GRIP2: variants seen among roughly 807,000 people sequenced by gnomAD.
GRIP2 encodes the protein glutamate receptor-interacting protein 2.
GRIP2 carries 58 observed loss-of-function variants against 108.3 expected under a neutral mutation model. That is an observed-to-expected ratio of 0.54 (90% CI 0.43 to 0.67). The LOEUF is 0.67. GRIP2 is among the 30% of genes least tolerant of loss of function. GRIP2 has a pLI of 0.00. For missense variants in GRIP2, 1,278 were observed against 1,430.6 expected, an observed-to-expected ratio of 0.89 and a Z score of 1.72; for synonymous variants, 586 against 598.2, an observed-to-expected ratio of 0.98 and a Z score of 0.30.
rs780339587 is a variant in GRIP2 at position 14,494,878 on chromosome 3, G to A, written c.2935C>T (p.Arg979Cys). Residue 979 changes from arginine (R) to cysteine (C), a missense_variant, in exon 23 of 24, where the codon CGT (arginine) becomes TGT (cysteine). Arg to Cys is a radical substitution (Grantham distance 180, BLOSUM62 -3). Coordinates refer to ENST00000621039, the MANE Select transcript of GRIP2 (RefSeq NM_001080423.4). ...HTVRPDGPAH[R>C]GGLQPFDRVL... ...CTGTCGAAGGGCTGGAGGCCTCCAC[G>A]GTGGGCTGGCCCATCAGGGCGCACA... 21 of 1,613,634 alleles carry A rather than the reference G, an allele frequency of 1.3e-5. No homozygotes were observed. Among genetic ancestry groups the A allele is most frequent in the South Asian group, 2.2e-5 (2 of 91,080 alleles).
chr3:14,534,328 CTTTA>C (rs1694782515), intron 1 of GRIP2, among the ~76,000 whole-genome samples: 1 of 152,126 alleles, frequency 6.6e-6, no homozygotes, highest in Non-Finnish European at 1.5e-5. Context: ...GAGGGGATTA[CTTTA>C]TTTATAGAAA....
Position 14,517,176 on chromosome 3 carries a change from G to A in GRIP2, c.1194C>T (p.Asn398=). ...TGGGGTTGTTGCAGGAAAAGGCGTG[G>A]TTCAAGGTCGGCGAGGAAAAGGGAG... ...SSTPFSSPTL[N]HAFSCNNPST... is the part of the protein sequence containing the mutation. Residue 398 remains asparagine (N), a synonymous_variant, in exon 11 of 24, where the codon AAC becomes AAT. Transcript: ENST00000621039. 1 of 1,605,198 alleles carries A rather than the reference G, an allele frequency of 6.2e-7. No homozygotes were observed. Among genetic ancestry groups the A allele is most frequent in the African/African-American group, 1.3e-5 (1 of 74,342 alleles).
chr3:14,568,508 C>A, the GRIP2 span, among the ~76,000 whole-genome samples: 2 of 152,190 alleles, frequency 1.3e-5, no homozygotes, highest in Non-Finnish European at 2.9e-5. Flanking sequence ...GGGATTAAAA[C>A]CCAGGCCATC....
rs1188249850 is a variant in GRIP2 at position 14,491,033 on chromosome 3, G to C, written c.*2632C>G. ...ATCTGTCTGATTCATGTTGCCCAGG[G>C]GCTGGATGATGGAAGCAAATGGCAA... On this transcript the variant is annotated 3_prime_UTR_variant, in exon 24 of 24. Coordinates refer to ENST00000621039, the MANE Select transcript of GRIP2 (RefSeq NM_001080423.4). 1 of 152,176 alleles carries C rather than the reference G, an allele frequency of 6.6e-6. No homozygotes were observed. Among genetic ancestry groups the C allele is most frequent in the Non-Finnish European group, 1.5e-5 (1 of 68,044 alleles). The allele number at this position is 152,176 out of a possible 1,614,324, so 9.4% of individuals were successfully genotyped here.
the GRIP2 span, among the ~76,000 whole-genome samples, chr3:14,565,161 G>A: frequency 6.6e-6 from 1 of 152,232 alleles, no homozygotes; most frequent in Non-Finnish European, 1.5e-5. Context: ...GCACCAGCCA[G>A]TGAGACCCTC....
the GRIP2 span, chr3:14,573,778 C>T: frequency 1.3e-6 from 2 of 1,546,892 alleles, no homozygotes; most frequent in East Asian, 4.5e-5. Flanking sequence ...TGGTGGCAGA[C>T]AGAGCCAAAC....
At chr3:14,542,697 G>C (rs1489553702), upstream of GRIP2, among the ~76,000 whole-genome samples, 1 of 152,230 alleles carries the variant, frequency 6.6e-6, no homozygotes, top group Non-Finnish European at 1.5e-5. Flanking sequence ...AATGTAGGCA[G>C]ATGGGAAACA....
chr3:14,576,849 C>A, the GRIP2 span, among the ~76,000 whole-genome samples: 10 of 152,240 alleles, frequency 6.6e-5, no homozygotes, highest in Non-Finnish European at 1.3e-4. Context: ...CTGTCCTGCA[C>A]AAACCCCATC....
intron 1 of GRIP2, among the ~76,000 whole-genome samples, chr3:14,532,561 C>T (rs1694736030): frequency 6.6e-6 from 1 of 152,190 alleles, no homozygotes; most frequent in South Asian, 2.1e-4. Flanking sequence ...CCAAACATTG[C>T]CAAACGTGCC....
chr3:14,532,312 G>A (rs1694729757), intron 1 of GRIP2, among the ~76,000 whole-genome samples: 1 of 152,184 alleles, frequency 6.6e-6, no homozygotes, highest in Non-Finnish European at 1.5e-5. Flanking sequence ...TTAGGGTTCA[G>A]CCTGGGTATG....
intron 1 of GRIP2, among the ~76,000 whole-genome samples, chr3:14,548,798 T>C (rs182303890): frequency 3.5e-4 from 53 of 152,304 alleles, no homozygotes; most frequent in Non-Finnish European, 2.4e-4. Context: ...GGAAGGGGCT[T>C]TGGTAAGACA....
chr3:14,532,403 G>A (rs1036258823), intron 1 of GRIP2, among the ~76,000 whole-genome samples: 1 of 152,114 alleles, frequency 6.6e-6, no homozygotes, highest in African/African-American at 2.4e-5. Flanking sequence ...TCAGTCTACG[G>A]GAGGTTTCTC....
At chr3:14,528,317 G>C (rs1694618150) in intron 1 of GRIP2, among the ~76,000 whole-genome samples, 1 of 152,190 alleles carries the variant, frequency 6.6e-6, no homozygotes, top group South Asian at 2.1e-4. Flanking sequence ...TGTGTTTCCA[G>C]TTTTTGGTGA....
chr3:14,507,073 C>T lies in GRIP2; in HGVS notation c.2219-93G>A. On this transcript the variant is annotated intron_variant, in intron 18 of 23. Coordinates refer to ENST00000621039, the MANE Select transcript of GRIP2 (RefSeq NM_001080423.4). This position sits in a 1 kb window ranked among gnomAD's most constrained non-coding sequence, Gnocchi z 4.6. ...TCAGCCTGGTCTGGAAACTCACAGG[C>T]AGTAAGCCCTTCTGAGCTGACATAT... The T allele has an allele frequency of 1.6e-6, 2 of 1,223,550 alleles. No homozygotes were observed. Among genetic ancestry groups the T allele is most frequent in the Non-Finnish European group, 2.3e-6 (2 of 874,414 alleles). 75.8% of individuals were successfully genotyped at this position (1,223,550 alleles called of 1,614,324 possible). A position where few individuals can be genotyped will look rare whatever the true frequency, so the allele number is the denominator to read the frequency against.
chr3:14,511,256 C>T lies in GRIP2; in HGVS notation c.1842G>A (p.Leu614=), dbSNP rs1694082162. The T allele has an allele frequency of 6.2e-7, 1 of 1,614,016 alleles. No homozygotes were observed. Among genetic ancestry groups the T allele is most frequent in the South Asian group, 1.1e-5 (1 of 91,086 alleles). Residue 614 remains leucine (L), a synonymous_variant, in exon 16 of 24, where the codon CTG becomes CTA. Coordinates refer to ENST00000621039, the MANE Select transcript of GRIP2 (RefSeq NM_001080423.4). This position sits in a 1 kb window ranked among gnomAD's most constrained non-coding sequence, Gnocchi z 4.1. ...CGGCGTCCTCCATGGGGCAGTTGTC[C>T]AGGCGGATATTGTCAATGGCCAGTA... ...DKLLAIDNIR[L]DNCPMEDAVQ...
the GRIP2 span, among the ~76,000 whole-genome samples, chr3:14,587,164 TC>T: frequency 1.3e-5 from 2 of 152,254 alleles, no homozygotes; most frequent in Non-Finnish European, 2.9e-5. Context: ...GAGAAATGTG[TC>T]CATATCAGTT....
the GRIP2 span, among the ~76,000 whole-genome samples, chr3:14,572,126 G>A: frequency 3.3e-5 from 5 of 152,088 alleles, no homozygotes; most frequent in Admixed American, 6.5e-5. Context: ...TGTGCATTTC[G>A]GTACCGGAGG....
rs1695153221 is a variant in GRIP2, at chr3:14,551,743, G to A, written c.55+4157C>T. On this transcript the variant is annotated intron_variant, in intron 1 of 23. Transcript: ENST00000637182. ...GGAGGCTGAATAAGCTGACCGTGAA[G>A]GAACGCCCCCGGGGTGAAATGTTTG... Among the ~76,000 whole-genome samples, 3 of 152,334 alleles carry A rather than the reference G, an allele frequency of 2.0e-5. No homozygotes were observed. The South Asian group carries it at 6.2e-4, about 32-fold the overall frequency.
chr3:14,527,339 G>T (rs1388165531), intron 1 of GRIP2, among the ~76,000 whole-genome samples: 1 of 128,514 alleles, frequency 7.8e-6, no homozygotes, highest in East Asian at 2.6e-4. Context: ...AAATTGGATT[G>T]TTTTTCAAAT....
Sources: gnomAD v4.1 joint callset for allele counts (sites outside exome capture counted in the v4.1 genomes callset) on GRCh38, gnomAD v4.1.1 for gene constraint, Gnocchi (gnomAD v3.1) non-coding constraint, MANE v1.5 for transcripts, NCBI Gene and HGNC (gene_info 2026-07-23, HGNC 2026-07-21) for gene names.